The following IQSEC1 variants were observed in gnomAD, a reference collection of about 807,000 sequenced individuals.
IQSEC1 encodes IQ motif and SEC7 domain-containing protein 1.
In IQSEC1, 31 loss-of-function variants were observed where a neutral mutation model predicts 91.0. The observed-to-expected ratio is 0.34, with a 90% CI of 0.26 to 0.46. IQSEC1 has a LOEUF of 0.46. IQSEC1 is among the 20% of genes least tolerant of loss of function. The pLI is 1.00. For missense variants in IQSEC1, 1,388 were observed against 1,575.6 expected, an observed-to-expected ratio of 0.88 and a Z score of 2.02; for synonymous variants, 699 against 662.6, an observed-to-expected ratio of 1.05 and a Z score of -0.84.
chr3:12,914,331 A>C (rs954779208), intron 8 of IQSEC1, among the ~76,000 whole-genome samples: 2 of 152,300 alleles, frequency 1.3e-5, no homozygotes, highest in South Asian at 4.2e-4. Flanking sequence ...AGGTTCATGC[A>C]GGATGGGGGA....
chr3:13,192,188 A>AT, intron 1 of IQSEC1, among the ~76,000 whole-genome samples: 1 of 152,032 alleles, frequency 6.6e-6, no homozygotes, highest in African/African-American at 2.4e-5. Context: ...ACAAAAAGAA[A>AT]TTAGCCAGGC....
chr3:13,174,565 GC>G (rs942053414), intron 1 of IQSEC1, among the ~76,000 whole-genome samples: 2 of 152,078 alleles, frequency 1.3e-5, no homozygotes, highest in Non-Finnish European at 2.9e-5. Flanking sequence ...CCTGCTGTCA[GC>G]CCCCAGAAGG....
At chr3:13,085,435 C>T (rs1268819373) in intron 2 of IQSEC1, among the ~76,000 whole-genome samples, 1 of 151,784 alleles carries the variant, frequency 6.6e-6, no homozygotes, top group African/African-American at 2.4e-5. Flanking sequence ...CCCTTCAGTG[C>T]GTAGGGTCAC....
At chr3:13,021,630 C>T (rs1022276543) in intron 1 of IQSEC1, among the ~76,000 whole-genome samples, 4 of 152,158 alleles carry the variant, frequency 2.6e-5, no homozygotes, top group Admixed American at 2.0e-4. Context: ...CAGTGACTGA[C>T]GTTTACGGTC....
At chr3:13,264,733 G>A (rs144905512) in intron 1 of IQSEC1, among the ~76,000 whole-genome samples, 1 of 151,984 alleles carries the variant, frequency 6.6e-6, no homozygotes, top group East Asian at 2.0e-4. Context: ...GAGAGGGCAG[G>A]AGGGTCAAAA....
At chr3:13,137,029 G>A (rs141902771) in intron 2 of IQSEC1, among the ~76,000 whole-genome samples, 7 of 152,122 alleles carry the variant, frequency 4.6e-5, no homozygotes, top group African/African-American at 7.2e-5. Context: ...CCCTGTATTC[G>A]GGAGGCTGAG....
chr3:13,173,843 C>G (rs761735649), intron 1 of IQSEC1, among the ~76,000 whole-genome samples: 65 of 152,204 alleles, frequency 4.3e-4, no homozygotes, highest in Non-Finnish European at 5.4e-4. Context: ...GTTAGAAATG[C>G]AAATTCTCTG....
chr3:13,195,210 C>A (rs893688838), intron 1 of IQSEC1, among the ~76,000 whole-genome samples: 4 of 152,128 alleles, frequency 2.6e-5, no homozygotes, highest in African/African-American at 4.8e-5. Context: ...TTATAAGATA[C>A]ACAGATGGCA....
chr3:13,127,526 G>A (rs1485675399), intron 2 of IQSEC1, among the ~76,000 whole-genome samples: 1 of 151,966 alleles, frequency 6.6e-6, no homozygotes, highest in Non-Finnish European at 1.5e-5. Flanking sequence ...GATTATTGTA[G>A]CTATATATTA....
At chr3:13,252,656 C>G (rs534688361) in intron 1 of IQSEC1, among the ~76,000 whole-genome samples, 1 of 152,316 alleles carries the variant, frequency 6.6e-6, no homozygotes, top group South Asian at 2.1e-4. Context: ...TACATTCCCA[C>G]CAGCAAGGCA....
At chr3:13,022,286 C>T in intron 1 of IQSEC1, 1 of 1,217,094 alleles carries the variant, frequency 8.2e-7, no homozygotes, top group Non-Finnish European at 1.0e-6. Flanking sequence ...TGCCACAGGC[C>T]ACTGCAGGGC....
chr3:13,168,539 G>A (rs1693540600), intron 1 of IQSEC1, among the ~76,000 whole-genome samples: 1 of 152,152 alleles, frequency 6.6e-6, no homozygotes, highest in Admixed American at 6.5e-5. Context: ...GTCTGCCCTT[G>A]GAACAAAATT....
intron 1 of IQSEC1, among the ~76,000 whole-genome samples, chr3:13,204,768 T>G (rs972542807): frequency 2.6e-5 from 4 of 151,798 alleles, no homozygotes; most frequent in Admixed American, 2.0e-4. Context: ...CTTCCTTCTT[T>G]CTTTTTCTTT....
At chr3:13,018,708 C>G (rs1703257280) in intron 1 of IQSEC1, among the ~76,000 whole-genome samples, 1 of 152,162 alleles carries the variant, frequency 6.6e-6, no homozygotes. Flanking sequence ...ACTACTGTAT[C>G]CCCACACGCA....
At chr3:12,920,405 T>C (rs780371133) in intron 6 of IQSEC1, 25 bp downstream of exon 6, 59 of 1,608,864 alleles carry the variant, frequency 3.7e-5, no homozygotes, top group Middle Eastern at 1.6e-4. Flanking sequence ...AATCTGTGGC[T>C]GGCCGACCGC....
intron 8 of IQSEC1, among the ~76,000 whole-genome samples, chr3:12,914,134 A>G (rs1190045949): frequency 1.2e-4 from 19 of 152,100 alleles, no homozygotes; most frequent in Admixed American, 1.2e-3. Context: ...ACTCTCCAAA[A>G]TCCTGAGCCA....
intron 2 of IQSEC1, among the ~76,000 whole-genome samples, chr3:13,123,448 C>T (rs1313273153): frequency 6.6e-6 from 1 of 152,202 alleles, no homozygotes; most frequent in Non-Finnish European, 1.5e-5. Context: ...CTGGCCTGGG[C>T]CAGTGGGCAT....
rs112053318 is a variant in IQSEC1, at chr3:13,250,863, C to T, written c.272+31848G>A. Reference sequence around the variant, plus strand: ...CTGTCATCACTTGCCTGGATCATTGCAGTGGCCTCTCTGGGCTCCCTCCCT... The same window carrying T: ...CTGTCATCACTTGCCTGGATCATTGTAGTGGCCTCTCTGGGCTCCCTCCCT... On this transcript the variant is annotated intron_variant, in intron 1 of 15. Coordinates refer to the IQSEC1 transcript ENST00000648114. 7.6e-4 allele frequency among the ~76,000 whole-genome samples: 116 copies of T among 152,226 alleles called. 1 individual carries two copies. Among genetic ancestry groups the T allele is most frequent in the African/African-American group, 2.7e-3 (113 of 41,534 alleles).
At chr3:13,108,858 C>T (rs1289560414) in intron 2 of IQSEC1, among the ~76,000 whole-genome samples, 2 of 152,212 alleles carry the variant, frequency 1.3e-5, no homozygotes, top group African/African-American at 4.8e-5. Flanking sequence ...ATCACACAGC[C>T]CCTCTGCTGG....
Sources: allele counts gnomAD v4.1 joint callset (sites outside exome capture counted in the v4.1 genomes callset), GRCh38; gene constraint gnomAD v4.1.1; transcripts MANE v1.5; gene names NCBI Gene and HGNC (gene_info 2026-07-23, HGNC 2026-07-21).